The following PTPN9 variants were observed in gnomAD, a reference collection of about 807,000 sequenced individuals.
The protein encoded by PTPN9 is protein tyrosine phosphatase non-receptor type 9.
Under a neutral mutation model 69.8 loss-of-function variants are expected in PTPN9, and 26 were observed. That is an observed-to-expected ratio of 0.37 (90% confidence interval 0.27 to 0.52). The LOEUF (loss-of-function observed/expected upper bound fraction) is 0.52, where lower values mean the gene tolerates loss of function less well. PTPN9 is among the 20% of genes least tolerant of loss of function. The pLI is 0.91. For synonymous variants in PTPN9, 274 were observed against 272.5 expected (o/e 1.01, Z -0.05); for missense variants, 549 against 740.3 (o/e 0.74, Z 3.00).
At chr15:75,564,438 CAA>C (rs781064905) in intron 1 of PTPN9, among the ~76,000 whole-genome samples, 2 of 151,036 alleles carry the variant, frequency 1.3e-5, no homozygotes, top group African/African-American at 4.9e-5. Flanking sequence ...ACTAAAAATA[CAA>C]AAAAAATTAG....
intron 10 of PTPN9, chr15:75,471,044 GAC>G: frequency 1.8e-6 from 1 of 555,550 alleles, no homozygotes. Flanking sequence ...TCATATAGCA[GAC>G]AGTTACTGAG....
chr15:75,477,017 C>A (rs1222820924), intron 9 of PTPN9, among the ~76,000 whole-genome samples: 1 of 152,164 alleles, frequency 6.6e-6, no homozygotes, highest in Non-Finnish European at 1.5e-5. Flanking sequence ...CCAGCTTAGA[C>A]CCTTTAACAG....
intron 12 of PTPN9, 134 bp downstream of exon 12, chr15:75,469,658 T>G: frequency 1.0e-6 from 1 of 987,926 alleles, no homozygotes; most frequent in South Asian, 1.5e-5. Flanking sequence ...AGATGAGGGA[T>G]TTTTCACAGC....
Position 75,505,999 on chromosome 15 carries a change from T to C in PTPN9, c.644A>G (p.Gln215Arg), listed in dbSNP as rs1272764588. ...CGTGACCTCAGATGTCTTTAATATT[T>C]GAATCTGGAAGGTTAGAAAGAACCA... ...LLKDKVRERI[Q>R]ILKTSEVTQH... The change falls in exon 7 of 13, where the codon CAA becomes CGA. Residue 215 changes from glutamine (Q) to arginine (R), a missense_variant. Gln to Arg is a conservative substitution (Grantham distance 43). Around this residue, in one of 3 missense-constraint regions of PTPN9, gnomAD observed 457 missense variants for 661.9 expected, o/e 0.69. Transcript: ENST00000618819. 1 of 1,607,600 alleles carries C rather than the reference T, an allele frequency of 6.2e-7. No individual in the cohort carries two copies. Among genetic ancestry groups the C allele is most frequent in the Non-Finnish European group, 8.5e-7 (1 of 1,174,940 alleles).
At chr15:75,547,402 C>T (rs12439037) in intron 1 of PTPN9, among the ~76,000 whole-genome samples, 1 of 151,530 alleles carries the variant, frequency 6.6e-6, no homozygotes, top group South Asian at 2.1e-4. Flanking sequence ...TTCAAGACCA[C>T]CCTGGCCAAC....
At chr15:75,558,666 C>T (rs1036343305) in intron 1 of PTPN9, among the ~76,000 whole-genome samples, 1 of 152,196 alleles carries the variant, frequency 6.6e-6, no homozygotes, top group Admixed American at 6.5e-5. Context: ...GTGCCTGCGA[C>T]TGCAGGCGCG....
intron 10 of PTPN9, among the ~76,000 whole-genome samples, chr15:75,471,179 T>C (rs751824657): frequency 4.6e-5 from 7 of 152,022 alleles, no homozygotes; most frequent in Non-Finnish European, 1.0e-4. Flanking sequence ...TGCATGCCTG[T>C]AATCCCAGCT....
intron 1 of PTPN9, among the ~76,000 whole-genome samples, chr15:75,544,412 G>A (rs1398650948): frequency 6.6e-6 from 1 of 152,144 alleles, no homozygotes; most frequent in Non-Finnish European, 1.5e-5. Context: ...GTGTACTGCT[G>A]TGGTCCTAGC....
chr15:75,485,883 G>A (rs373019510), intron 8 of PTPN9, among the ~76,000 whole-genome samples: 54 of 150,720 alleles, frequency 3.6e-4, no homozygotes, highest in African/African-American at 1.1e-3. Flanking sequence ...GGCAGATCAC[G>A]AGGTCAGGAG....
At position 75,466,057 on chromosome 15, in the gene PTPN9, T is replaced by C. The variant is rs1329681603; in HGVS notation, c.*2712A>G. ...ATTATGGTAAGAAACTCGATAAAAA[T>C]TTATTGGCAGATCAGAAGATGGATC... On this transcript the variant is annotated 3_prime_UTR_variant, in exon 13 of 13. Transcript: ENST00000618819. The C allele has an allele frequency of 2.0e-5, 3 of 152,194 alleles. No individual in the cohort carries two copies. Among genetic ancestry groups the C allele is most frequent in the African/African-American group, 7.2e-5 (3 of 41,450 alleles). 9.4% of individuals were successfully genotyped at this position (152,194 alleles called of 1,614,324 possible).
intron 9 of PTPN9, among the ~76,000 whole-genome samples, chr15:75,478,741 T>C (rs2074611132): frequency 6.6e-6 from 1 of 152,270 alleles, no homozygotes; most frequent in Non-Finnish European, 1.5e-5. Context: ...ATGCAGGTGA[T>C]ATTCATTTCT....
At chr15:75,479,765 G>T in intron 9 of PTPN9, 83 bp downstream of exon 9, 1 of 1,207,406 alleles carries the variant, frequency 8.3e-7, no homozygotes. Context: ...GTTACCATTC[G>T]TTTAAAAATT....
Position 75,464,700 on chromosome 15 carries a change from A to G in PTPN9, c.*4069T>C, listed in dbSNP as rs1267294009. 6.6e-6 allele frequency: 1 copy of G among 152,130 alleles called. No homozygotes were observed. Among genetic ancestry groups the G allele is most frequent in the Non-Finnish European group, 1.5e-5 (1 of 68,034 alleles). The allele number at this position is 152,130 out of a possible 1,614,324, so 9.4% of individuals were successfully genotyped here. A position where few individuals can be genotyped will look rare whatever the true frequency, so the allele number is the denominator to read the frequency against. ...ATTCCCTCTAGGTCTCTGATTTATAAAAGTTTTTGTATGTGTGTCTGTCTG... is the reference window on the plus strand; with the variant it reads ...ATTCCCTCTAGGTCTCTGATTTATAGAAGTTTTTGTATGTGTGTCTGTCTG... On this transcript the variant is annotated 3_prime_UTR_variant, in exon 13 of 13. Coordinates refer to ENST00000618819, the MANE Select transcript of PTPN9 (RefSeq NM_002833.4).
Position 75,498,461 on chromosome 15 carries a change from T to C in PTPN9, c.968+7214A>G, listed in dbSNP as rs1595953138. The stretch of plus-strand genomic sequence containing the variant: ...TGGGCACGGTGGCTCACACCTGTAA[T>C]CCCAGCACTTTGGGAGGCCGAGGTG... On this transcript the variant is annotated intron_variant, in intron 7 of 12. Transcript: ENST00000618819. Among the ~76,000 whole-genome samples, 3 of 151,968 alleles carry C rather than the reference T, an allele frequency of 2.0e-5. No individual in the cohort carries two copies. The South Asian group carries it at 6.2e-4, about 32-fold the overall frequency.
At chr15:75,556,032 G>A (rs1221865041) in intron 1 of PTPN9, among the ~76,000 whole-genome samples, 2 of 101,256 alleles carry the variant, frequency 2.0e-5, no homozygotes, top group Non-Finnish European at 3.8e-5. Context: ...CGAGACCCCC[G>A]TCTCAAAAAA....
chr15:75,523,897 C>T (rs534906491), intron 3 of PTPN9, among the ~76,000 whole-genome samples: 1 of 152,102 alleles, frequency 6.6e-6, no homozygotes, highest in Admixed American at 6.5e-5. Flanking sequence ...TGTTTCACAT[C>T]TGCTCCTAAC....
chr15:75,510,485 C>A (rs2074840425), intron 5 of PTPN9, among the ~76,000 whole-genome samples: 1 of 152,162 alleles, frequency 6.6e-6, no homozygotes, highest in Non-Finnish European at 1.5e-5. Flanking sequence ...GATCCTCCTA[C>A]CTTGGCATCC....
chr15:75,518,295 C>T (rs1223557467), intron 4 of PTPN9, among the ~76,000 whole-genome samples: 1 of 151,922 alleles, frequency 6.6e-6, no homozygotes, highest in African/African-American at 2.4e-5. Flanking sequence ...GGTCATGCCA[C>T]TGCACTCCAG....
chr15:75,556,441 A>C (rs1205908863), intron 1 of PTPN9, among the ~76,000 whole-genome samples: 2 of 151,348 alleles, frequency 1.3e-5, no homozygotes, highest in Non-Finnish European at 2.9e-5. Flanking sequence ...GTAGTGGCAC[A>C]ATCTCGGCTC....
Sources: allele counts gnomAD v4.1 joint callset (sites outside exome capture counted in the v4.1 genomes callset), GRCh38; gene constraint gnomAD v4.1.1; regional missense constraint gnomAD v4.1.1; transcripts MANE v1.5; gene names NCBI Gene and HGNC (gene_info 2026-07-23, HGNC 2026-07-21).